Variants in ADAMTS3 observed in about 807,000 individuals in gnomAD.
ADAMTS3 encodes the protein A disintegrin and metalloproteinase with thrombospondin motifs 3.
Under a neutral mutation model 129.0 loss-of-function variants are expected in ADAMTS3, and 73 were observed. The ratio of observed to expected loss-of-function variants is 0.57; its 90% CI spans 0.47 to 0.69. The LOEUF (loss-of-function observed/expected upper bound fraction) is 0.69. ADAMTS3 is among the 30% of genes least tolerant of loss of function. The probability of loss-of-function intolerance (pLI) is 0.00; values close to 1 mark genes in which losing one functional copy is unlikely to be tolerated. For missense variants in ADAMTS3, 1,457 were observed against 1,514.5 expected (o/e 0.96, Z 0.63); for synonymous variants, 477 against 510.8 (o/e 0.93, Z 0.89).
chr4:72,473,814 C>T (rs987776941), intron 3 of ADAMTS3, among the ~76,000 whole-genome samples: 2 of 152,170 alleles, frequency 1.3e-5, no homozygotes, highest in Non-Finnish European at 2.9e-5. Context: ...CACTCTTTCC[C>T]CTCCCCACTG....
chr4:72,346,467 A>C (rs996148960), intron 4 of ADAMTS3, among the ~76,000 whole-genome samples: 1 of 152,184 alleles, frequency 6.6e-6, no homozygotes. Context: ...CTTGGCCTCA[A>C]TATTTTTTGA....
chr4:72,402,022 T>C (rs377651143), intron 4 of ADAMTS3, among the ~76,000 whole-genome samples: 4 of 152,234 alleles, frequency 2.6e-5, no homozygotes, highest in East Asian at 3.8e-4. Flanking sequence ...GAAAACAGCA[T>C]CAAGGTAATA....
At chr4:72,474,392 A>G (rs1719167718) in intron 3 of ADAMTS3, among the ~76,000 whole-genome samples, 1 of 152,188 alleles carries the variant, frequency 6.6e-6, no homozygotes, top group South Asian at 2.1e-4. Flanking sequence ...AAGTATTACA[A>G]CAGAAAAATA....
chr4:72,373,917 TAATAATAATAATAATAATAATAA>T, intron 4 of ADAMTS3, among the ~76,000 whole-genome samples: 1 of 87,206 alleles, frequency 1.1e-5, no homozygotes, highest in Non-Finnish European at 2.6e-5. Flanking sequence ...ATAATAATAA[TAATAATAATAATAATAATAATAA>T]TAATAATAAT....
intron 3 of ADAMTS3, among the ~76,000 whole-genome samples, chr4:72,469,414 T>C (rs1208634446): frequency 1.3e-5 from 2 of 152,116 alleles, no homozygotes; most frequent in African/African-American, 4.8e-5. Flanking sequence ...TTTCTTCCTC[T>C]CTAAAATGAG....
At chr4:72,391,112 TG>T (rs908630684) in intron 4 of ADAMTS3, among the ~76,000 whole-genome samples, 40 of 152,008 alleles carry the variant, frequency 2.6e-4, no homozygotes, top group African/African-American at 8.7e-4. Context: ...ATCACTGAAA[TG>T]GGGCATTTGG....
chr4:72,404,419 C>T (rs1379143079), intron 4 of ADAMTS3, among the ~76,000 whole-genome samples: 1 of 151,950 alleles, frequency 6.6e-6, no homozygotes, highest in Admixed American at 6.6e-5. Context: ...GGAGAGTCTC[C>T]TCAATGAATG....
chr4:72,457,732 G>T (rs572610905), intron 3 of ADAMTS3, among the ~76,000 whole-genome samples: 1 of 151,778 alleles, frequency 6.6e-6, no homozygotes, highest in East Asian at 2.0e-4. Flanking sequence ...AGCATGGGTT[G>T]TTTACTACAT....
chr4:72,553,632 G>A (rs950695542), intron 2 of ADAMTS3, among the ~76,000 whole-genome samples: 2 of 152,148 alleles, frequency 1.3e-5, no homozygotes, highest in African/African-American at 4.8e-5. Context: ...CCCTGGTGGA[G>A]AAGAGTGAAT....
intron 4 of ADAMTS3, among the ~76,000 whole-genome samples, chr4:72,364,641 T>C (rs1235338913): frequency 6.6e-6 from 1 of 152,048 alleles, no homozygotes; most frequent in Non-Finnish European, 1.5e-5. Context: ...ATAAATGTTG[T>C]TCATAAGAAA....
chr4:72,385,989 T>A (rs1721436446), intron 4 of ADAMTS3, among the ~76,000 whole-genome samples: 1 of 151,934 alleles, frequency 6.6e-6, no homozygotes, highest in Admixed American at 6.6e-5. Context: ...TTCCATGTAT[T>A]TTTTTTAGGC....
rs548139696 is a variant in ADAMTS3, at chr4:72,486,650, G to GA, written c.504+61827dup. ...ATAAAAGATTGAATCAAATATGAAA[G>GA]AAAAAAATAATTCTTTCCCAAAACA... On this transcript the variant is annotated intron_variant, in intron 3 of 21. Transcript: ENST00000286657. Among the ~76,000 whole-genome samples, 126 of 152,066 alleles carry GA rather than the reference G, an allele frequency of 8.3e-4. 1 individual carries two copies. The highest frequency in any genetic ancestry group is 2.8e-3 in the African/African-American group (115 of 41,500).
chr4:72,293,102 T>C (rs1325122563), intron 19 of ADAMTS3, among the ~76,000 whole-genome samples: 1 of 152,144 alleles, frequency 6.6e-6, no homozygotes, highest in Non-Finnish European at 1.5e-5. Flanking sequence ...GATGGACATA[T>C]GGAAACTAAC....
intron 3 of ADAMTS3, among the ~76,000 whole-genome samples, chr4:72,469,400 T>G (rs1042185855): frequency 1.3e-5 from 2 of 152,108 alleles, no homozygotes; most frequent in African/African-American, 4.8e-5. Context: ...TATCAGAGGC[T>G]CCATTTCTTC....
At chr4:72,373,330 C>A (rs145151308) in intron 4 of ADAMTS3, among the ~76,000 whole-genome samples, 1 of 151,970 alleles carries the variant, frequency 6.6e-6, no homozygotes, top group African/African-American at 2.4e-5. Flanking sequence ...GAGACTGCCA[C>A]GCAGTGGGAA....
intron 3 of ADAMTS3, among the ~76,000 whole-genome samples, chr4:72,432,936 T>C (rs1411215026): frequency 6.6e-6 from 1 of 151,930 alleles, no homozygotes; most frequent in African/African-American, 2.4e-5. Flanking sequence ...ACTCAGAAAC[T>C]AGTTCTACAT....
chr4:72,564,125 G>C (rs555988731), intron 2 of ADAMTS3, among the ~76,000 whole-genome samples: 1 of 152,236 alleles, frequency 6.6e-6, no homozygotes, highest in East Asian at 1.9e-4. Flanking sequence ...AATTCCAAGA[G>C]GAATCAGGAG....
intron 21 of ADAMTS3, among the ~76,000 whole-genome samples, chr4:72,285,010 A>C (rs551851482): frequency 6.6e-6 from 1 of 152,346 alleles, no homozygotes; most frequent in South Asian, 2.1e-4. Flanking sequence ...AAGAACTGTC[A>C]ATTGTGGCAT....
intron 2 of ADAMTS3, among the ~76,000 whole-genome samples, chr4:72,549,784 C>A (rs572544721): frequency 6.6e-6 from 1 of 151,464 alleles, no homozygotes; most frequent in Non-Finnish European, 1.5e-5. Context: ...CTGAATTTCA[C>A]AATTAGCACT....
Sources: gnomAD v4.1 joint callset for allele counts (sites outside exome capture counted in the v4.1 genomes callset) on GRCh38, gnomAD v4.1.1 for gene constraint, MANE v1.5 for transcripts, NCBI Gene and HGNC (gene_info 2026-07-23, HGNC 2026-07-21) for gene names.